The following MCF2 variants were observed in gnomAD, a reference collection of about 807,000 sequenced individuals.
MCF2 encodes proto-oncogene DBL.
A neutral mutation model predicts 82.5 loss-of-function variants in MCF2; 44 were observed. That is an observed-to-expected ratio of 0.53 (90% CI 0.42 to 0.69). The LOEUF (loss-of-function observed/expected upper bound fraction) is 0.69. Among genes scored for constraint, MCF2 ranks in the 30% least tolerant of loss-of-function variants. The pLI is 0.00. For missense variants in MCF2, 623 were observed against 663.1 expected (o/e 0.94, Z 0.66); for synonymous variants, 217 against 224.9 (o/e 0.96, Z 0.32).
intron 16 of MCF2, among the ~76,000 whole-genome samples, chrX:139,600,616 G>T (rs1381811483): frequency 8.9e-6 from 1 of 111,779 alleles, no homozygotes; most frequent in South Asian, 3.7e-4. Flanking sequence ...ACACAAGGTA[G>T]CAGTTCAAGG....
intron 1 of MCF2, among the ~76,000 whole-genome samples, chrX:139,707,502 T>C (rs934173289): frequency 1.8e-5 from 2 of 111,614 alleles, no homozygotes; most frequent in Non-Finnish European, 3.8e-5. Context: ...ACCAAGGTAG[T>C]TCTTCTTGGT....
intron 1 of MCF2, among the ~76,000 whole-genome samples, chrX:139,676,830 T>C (rs1250142471): frequency 8.9e-6 from 1 of 112,120 alleles, no homozygotes; most frequent in African/African-American, 3.2e-5. Flanking sequence ...CAGACAATGC[T>C]TGTTACAGAG....
chrX:139,635,874 C>T (rs1480171906), intron 1 of MCF2, among the ~76,000 whole-genome samples: 1 of 109,505 alleles, frequency 9.1e-6, no homozygotes, highest in South Asian at 3.9e-4. Context: ...CTCCCTCCTC[C>T]CACCCTCCAC....
At chrX:139,690,833 C>T (rs933604718) in intron 1 of MCF2, among the ~76,000 whole-genome samples, 6 of 111,776 alleles carry the variant, frequency 5.4e-5, no homozygotes, top group African/African-American at 1.6e-4. Context: ...CAGGAAGGCG[C>T]GCACATCAAT....
At chrX:139,587,886 CA>C in intron 21 of MCF2, 98 bp from the exon 26 acceptor site, 1 of 503,713 alleles carries the variant, frequency 2.0e-6, no homozygotes, top group Non-Finnish European at 3.4e-6. Flanking sequence ...CACACACACA[CA>C]CACACGCATC....
intron 1 of MCF2, among the ~76,000 whole-genome samples, chrX:139,635,408 C>G (rs1933143352): frequency 9.0e-6 from 1 of 111,268 alleles, no homozygotes; most frequent in Non-Finnish European, 1.9e-5. Flanking sequence ...GTAATCCCAG[C>G]ACTTTGGGAA....
chrX:139,607,852 A>T, intron 11 of MCF2, 73 bp from the exon 16 acceptor site: 1 of 663,522 alleles, frequency 1.5e-6, no homozygotes, highest in Middle Eastern at 3.1e-4. Flanking sequence ...ATCCAGCTCA[A>T]ATTAAGTTTA....
chrX:139,667,607 C>T (rs932783209), intron 1 of MCF2, among the ~76,000 whole-genome samples: 3 of 111,929 alleles, frequency 2.7e-5, no homozygotes, highest in African/African-American at 9.7e-5. Context: ...AGGCTATGTG[C>T]TCTGTCTCAG....
chrX:139,673,400 G>A (rs1385390234), intron 1 of MCF2, among the ~76,000 whole-genome samples: 1 of 111,519 alleles, frequency 9.0e-6, no homozygotes, highest in Non-Finnish European at 1.9e-5. Context: ...TCTTTTAATT[G>A]TGATGTTAGG....
At chrX:139,648,229 G>A (rs748532612) in intron 2 of MCF2, among the ~76,000 whole-genome samples, 9 of 109,412 alleles carry the variant, frequency 8.2e-5, no homozygotes, top group Admixed American at 2.0e-4. Flanking sequence ...AAAATTAGCC[G>A]GGTGTGGTGG....
chrX:139,603,876 T>C (rs979012754), intron 15 of MCF2, among the ~76,000 whole-genome samples: 3 of 111,694 alleles, frequency 2.7e-5, no homozygotes, highest in Non-Finnish European at 5.7e-5. Flanking sequence ...TTAGAACACG[T>C]TGAGCAAGGT....
chrX:139,689,585 C>A (rs955214584), intron 1 of MCF2, among the ~76,000 whole-genome samples: 1 of 109,220 alleles, frequency 9.2e-6, no homozygotes, highest in East Asian at 2.9e-4. Flanking sequence ...ACACTCCAGT[C>A]ATTTAAAAGG....
At chrX:139,686,267 A>G (rs1935121895) in intron 1 of MCF2, among the ~76,000 whole-genome samples, 1 of 111,509 alleles carries the variant, frequency 9.0e-6, no homozygotes. Flanking sequence ...TCCTGGCCAG[A>G]GCAATCAGGC....
rs756386657 is a variant in MCF2 at position 139,705,307 on chromosome X, G to C, written c.-45+2799C>G. Among the ~76,000 whole-genome samples, 8 of 111,933 alleles carry C rather than the reference G, an allele frequency of 7.1e-5. No homozygotes were observed. In the East Asian group the frequency reaches 2.2e-3, roughly 31 times the overall value. On this transcript the variant is annotated intron_variant, in intron 1 of 27. Coordinates refer to the MCF2 transcript ENST00000414978. The stretch of plus-strand genomic sequence containing the variant: ...AGCCTAGGCGACAGAGTGAGACTCA[G>C]TCTCAAAAACAAACAAACAAACAAA...
At chrX:139,615,425 C>T (rs776726195) in intron 9 of MCF2, among the ~76,000 whole-genome samples, 5 of 111,765 alleles carry the variant, frequency 4.5e-5, no homozygotes, top group African/African-American at 6.5e-5. Flanking sequence ...TGAATAACAT[C>T]GGTATAATAT....
intron 1 of MCF2, among the ~76,000 whole-genome samples, chrX:139,673,773 T>G (rs752059383): frequency 8.9e-6 from 1 of 112,163 alleles, no homozygotes; most frequent in Admixed American, 9.4e-5. Flanking sequence ...GATGTGGTGC[T>G]GTGAAGAATG....
At chrX:139,590,462 C>A in intron 19 of MCF2, among the ~76,000 whole-genome samples, 1 of 107,120 alleles carries the variant, frequency 9.3e-6, no homozygotes, top group African/African-American at 3.5e-5. Flanking sequence ...AATCCCTTGG[C>A]CTTTCTAAAA....
chrX:139,692,277 A>AG (rs1935289359), intron 1 of MCF2: 1 of 372,542 alleles, frequency 2.7e-6, no homozygotes, highest in Non-Finnish European at 4.6e-6. Flanking sequence ...GCACTGCCGG[A>AG]GGGGTACAGC....
chrX:139,628,338 C>T (rs1932813429), intron 4 of MCF2, among the ~76,000 whole-genome samples: 1 of 111,944 alleles, frequency 8.9e-6, no homozygotes, highest in Non-Finnish European at 1.9e-5. Flanking sequence ...ATGGATGCAG[C>T]TGTAGGCCAT....
Sources: gnomAD v4.1 joint callset for allele counts (sites outside exome capture counted in the v4.1 genomes callset) on GRCh38, gnomAD v4.1.1 for gene constraint, MANE v1.5 for transcripts, NCBI Gene and HGNC (gene_info 2026-07-23, HGNC 2026-07-21) for gene names.